Variants in CUL1 observed in about 807,000 individuals in gnomAD.
The protein encoded by CUL1 is cullin-1.
A neutral mutation model predicts 118.0 loss-of-function variants in CUL1; 24 were observed. That is an observed-to-expected ratio of 0.20 (90% CI 0.15 to 0.29). The LOEUF (loss-of-function observed/expected upper bound fraction) is 0.29, where lower values mean the gene tolerates loss of function less well. Ranked by LOEUF, CUL1 falls within the 10% of genes least tolerant of loss-of-function variation. The pLI, the probability that CUL1 is intolerant of heterozygous loss-of-function variation, is 1.00. For missense variants in CUL1, 361 were observed against 933.8 expected, an observed-to-expected ratio of 0.39 and a Z score of 7.99; for synonymous variants, 332 against 340.4, an observed-to-expected ratio of 0.98 and a Z score of 0.27.
intron 9 of CUL1, among the ~76,000 whole-genome samples, chr7:148,774,757 G>A (rs946672211): frequency 3.9e-5 from 6 of 152,172 alleles, no homozygotes; most frequent in South Asian, 2.1e-4. Context: ...TTCAACACCC[G>A]GCAGGGCTGC....
intron 21 of CUL1, 136 bp downstream of exon 21, chr7:148,799,524 G>C (rs961484226): frequency 1.6e-6 from 1 of 624,698 alleles, no homozygotes; most frequent in Non-Finnish European, 2.8e-6. Flanking sequence ...ATAAAAGAAA[G>C]TCGGCTTCAG....
rs780187389 is a variant in CUL1 at position 148,783,981 on chromosome 7, G to A, written c.1202G>A (p.Arg401His). The A allele has an allele frequency of 1.2e-6, 2 of 1,614,078 alleles. No individual in the cohort carries two copies. The highest frequency in any genetic ancestry group is 1.7e-5 in the Admixed American group (1 of 60,002). ...FVAALDKACG[R>H]FINNNAVTKM... ...TTCCGTGTAACGCAGGCTTGTGGTC[G>A]CTTCATAAACAACAACGCGGTTACC... Residue 401 changes from arginine to histidine, a missense_variant, in exon 11 of 22, where the codon CGC (arginine) becomes CAC (histidine). By Grantham distance (29) the Arg-to-His change is conservative. Around this residue, in one of 7 missense-constraint regions of CUL1, gnomAD observed 169 missense variants for 429.7 expected, o/e 0.39. Coordinates refer to ENST00000325222, the MANE Select transcript of CUL1 (RefSeq NM_003592.3).
chr7:148,707,465 G>A (rs1005793622), intron 1 of CUL1, among the ~76,000 whole-genome samples: 2 of 152,002 alleles, frequency 1.3e-5, no homozygotes, highest in Non-Finnish European at 2.9e-5. Context: ...TGTTATTGGT[G>A]GTGTCATGTT....
intron 1 of CUL1, among the ~76,000 whole-genome samples, chr7:148,700,532 G>A (rs993727200): frequency 9.9e-5 from 15 of 152,170 alleles, no homozygotes; most frequent in African/African-American, 3.6e-4. Context: ...TTTAAAGAAG[G>A]TTTGTTTTTG....
At chr7:148,771,781 C>T (rs150444436) in intron 9 of CUL1, among the ~76,000 whole-genome samples, 1 of 152,250 alleles carries the variant, frequency 6.6e-6, no homozygotes, top group Non-Finnish European at 1.5e-5. Flanking sequence ...TAACCCCATG[C>T]ATGATTGCTG....
At chr7:148,793,671 A>C (rs551656810) in intron 17 of CUL1, among the ~76,000 whole-genome samples, 1 of 152,362 alleles carries the variant, frequency 6.6e-6, no homozygotes, top group African/African-American at 2.4e-5. Context: ...TAGATGGACC[A>C]CATTTTATTT....
intron 1 of CUL1, among the ~76,000 whole-genome samples, chr7:148,728,064 A>G (rs973767738): frequency 2.6e-5 from 4 of 152,122 alleles, no homozygotes; most frequent in African/African-American, 9.7e-5. Flanking sequence ...CAGGTAAGAG[A>G]TGGCGAGGAT....
intron 20 of CUL1, 68 bp downstream of exon 20, chr7:148,798,745 C>G (rs184509962): frequency 8.5e-6 from 11 of 1,300,072 alleles, no homozygotes; most frequent in Non-Finnish European, 1.2e-5. Context: ...AAGGACGGGC[C>G]GTGGGGGGTA....
intron 2 of CUL1, among the ~76,000 whole-genome samples, chr7:148,747,258 A>T (rs745699044): frequency 1.3e-5 from 2 of 152,206 alleles, no homozygotes; most frequent in Non-Finnish European, 2.9e-5. Context: ...ATTGCCAAGG[A>T]ACAGCAGTCA....
At chr7:148,797,680 C>A in intron 17 of CUL1, 132 bp from the exon 18 acceptor site, 1 of 681,900 alleles carries the variant, frequency 1.5e-6, no homozygotes, top group Non-Finnish European at 2.4e-6. Context: ...TTTTTCCTTC[C>A]AGCATACTCT....
At chr7:148,780,554 G>C (rs529630724) in intron 9 of CUL1, among the ~76,000 whole-genome samples, 2 of 152,216 alleles carry the variant, frequency 1.3e-5, no homozygotes, top group South Asian at 2.1e-4. Flanking sequence ...CACAGGACTG[G>C]GGAGCAGATC....
intron 2 of CUL1, 143 bp from the exon 3 acceptor site, chr7:148,753,832 TG>T: frequency 1.6e-6 from 1 of 619,766 alleles, no homozygotes; most frequent in South Asian, 2.6e-5. Context: ...ATAGTGTGAA[TG>T]GGATCTTTGT....
At chr7:148,769,450 A>C (rs576664432) in intron 9 of CUL1, among the ~76,000 whole-genome samples, 1,277 of 104,886 alleles carry the variant, frequency 0.012, 21 homozygotes, top group Middle Eastern at 0.028. Flanking sequence ...CACACACACA[A>C]AACGCTCACC....
chr7:148,766,820 C>G, intron 8 of CUL1, 97 bp downstream of exon 8: 1 of 1,036,566 alleles, frequency 9.6e-7, no homozygotes, highest in Non-Finnish European at 1.4e-6. Context: ...GCATTACTTG[C>G]CCATGTCAGT....
chr7:148,759,232 G>A lies in CUL1; in HGVS notation c.484-72G>A, dbSNP rs1221614994. ...TTTGATAAAGTAATTTGAGATTTAG[G>A]TTATTTCCTATGACTTCAATCTTGG... On this transcript the variant is annotated intron_variant, in intron 4 of 21. Transcript: ENST00000325222. 7.2e-6 allele frequency: 10 copies of A among 1,394,636 alleles called. No individual in the cohort carries two copies. The East Asian group carries it at 2.1e-4, about 29-fold the overall frequency. 86.4% of individuals were successfully genotyped at this position (1,394,636 alleles called of 1,614,324 possible).
intron 2 of CUL1, among the ~76,000 whole-genome samples, chr7:148,731,334 C>G (rs1798757284): frequency 6.6e-6 from 1 of 152,134 alleles, no homozygotes; most frequent in Non-Finnish European, 1.5e-5. Flanking sequence ...GTTTGATAGA[C>G]TATATCAGTT....
chr7:148,710,430 A>G (rs1351253351), intron 1 of CUL1, among the ~76,000 whole-genome samples: 2 of 152,008 alleles, frequency 1.3e-5, no homozygotes, highest in Admixed American at 6.5e-5. Flanking sequence ...TTAGCCAGGC[A>G]TGGTGGTGCA....
intron 2 of CUL1, among the ~76,000 whole-genome samples, chr7:148,746,658 A>C (rs1584786615): frequency 6.6e-6 from 1 of 152,358 alleles, no homozygotes; most frequent in East Asian, 1.9e-4. Context: ...TATCCTAGCC[A>C]ATCTATTTAG....
intron 4 of CUL1, 105 bp from the exon 5 acceptor site, chr7:148,759,199 C>T: frequency 8.8e-7 from 1 of 1,139,706 alleles, no homozygotes; most frequent in South Asian, 1.4e-5. Flanking sequence ...AACTTGTAAT[C>T]TAGAAATTTT....
Sources: gnomAD v4.1 joint callset for allele counts (sites outside exome capture counted in the v4.1 genomes callset) on GRCh38, gnomAD v4.1.1 for gene constraint, gnomAD v4.1.1 regional missense constraint, MANE v1.5 for transcripts, NCBI Gene and HGNC (gene_info 2026-07-23, HGNC 2026-07-21) for gene names.